Variants in LRMDA observed in about 807,000 individuals in gnomAD.
LRMDA encodes leucine rich melanocyte differentiation associated, also known as leucine-rich melanocyte differentiation-associated protein.
Under a neutral mutation model 29.8 loss-of-function variants are expected in LRMDA, and 18 were observed. The ratio of observed to expected loss-of-function variants is 0.60; its 90% CI spans 0.42 to 0.90. The LOEUF (loss-of-function observed/expected upper bound fraction) is 0.90, where lower values mean the gene tolerates loss of function less well. Ranked by LOEUF, LRMDA falls within the 40% of genes least tolerant of loss-of-function variation. The probability of loss-of-function intolerance (pLI) is 0.00; values close to 1 mark genes in which losing one functional copy is unlikely to be tolerated. For synonymous variants in LRMDA, 125 were observed against 109.4 expected (o/e 1.14, Z -0.89); for missense variants, 273 against 273.9 (o/e 1.00, Z 0.02).
At chr10:76,386,381 A>T (rs1841659816) in intron 6 of LRMDA, among the ~76,000 whole-genome samples, 1 of 152,212 alleles carries the variant, frequency 6.6e-6, no homozygotes, top group Admixed American at 6.5e-5. Context: ...AATGCTGCTC[A>T]CCCATTTTCG....
intron 5 of LRMDA, among the ~76,000 whole-genome samples, chr10:76,305,926 C>T (rs1311225569): frequency 6.6e-6 from 1 of 152,146 alleles, no homozygotes; most frequent in Non-Finnish European, 1.5e-5. Context: ...GGGGTTATTT[C>T]TCAAATGACT....
intron 5 of LRMDA, among the ~76,000 whole-genome samples, chr10:76,206,457 T>C (rs868398078): frequency 1.3e-5 from 2 of 152,182 alleles, no homozygotes; most frequent in Non-Finnish European, 2.9e-5. Context: ...GCATGTCTGT[T>C]TTCCTTTCTG....
At chr10:75,695,858 A>C (rs747045720) in intron 2 of LRMDA, among the ~76,000 whole-genome samples, 10 of 152,044 alleles carry the variant, frequency 6.6e-5, no homozygotes, top group Non-Finnish European at 1.3e-4. Context: ...TCATCCACCC[A>C]CTATACCTCT....
At chr10:76,362,445 A>T (rs370931528) in intron 6 of LRMDA, among the ~76,000 whole-genome samples, 39 of 152,394 alleles carry the variant, frequency 2.6e-4, no homozygotes, top group East Asian at 1.7e-3. Context: ...GTAACATAGT[A>T]CTTAGCAAAG....
intron 5 of LRMDA, among the ~76,000 whole-genome samples, chr10:76,237,195 C>CA (rs764606961): frequency 5.3e-5 from 8 of 151,924 alleles, no homozygotes; most frequent in Non-Finnish European, 1.2e-4. Flanking sequence ...TAAAAAATAG[C>CA]AAAAACAGAA....
chr10:75,722,871 A>T (rs940339090), intron 2 of LRMDA, among the ~76,000 whole-genome samples: 6 of 152,068 alleles, frequency 3.9e-5, no homozygotes, highest in African/African-American at 1.4e-4. Context: ...AGGAGTTTCT[A>T]CTCATATTTC....
intron 5 of LRMDA, among the ~76,000 whole-genome samples, chr10:76,059,784 G>C (rs965300389): frequency 6.6e-6 from 1 of 152,224 alleles, no homozygotes; most frequent in African/African-American, 2.4e-5. Flanking sequence ...GCTGGCAGCA[G>C]ACCTCAGGCC....
intron 2 of LRMDA, among the ~76,000 whole-genome samples, chr10:75,659,590 T>A (rs1037582115): frequency 2.0e-5 from 3 of 151,844 alleles, no homozygotes; most frequent in African/African-American, 7.3e-5. Flanking sequence ...TCTAAAAGAG[T>A]CAAACTCCCA....
intron 5 of LRMDA, among the ~76,000 whole-genome samples, chr10:76,219,398 C>G (rs993763200): frequency 2.6e-5 from 4 of 151,536 alleles, no homozygotes; most frequent in African/African-American, 9.7e-5. Flanking sequence ...CACATAGGCT[C>G]AAAATAAAAG....
At chr10:75,636,339 T>A (rs1322801312) in intron 2 of LRMDA, among the ~76,000 whole-genome samples, 1 of 152,218 alleles carries the variant, frequency 6.6e-6, no homozygotes, top group East Asian at 1.9e-4. Flanking sequence ...CTTTCATTTT[T>A]AAAATCATGT....
intron 2 of LRMDA, among the ~76,000 whole-genome samples, chr10:75,850,635 A>C (rs1430057050): frequency 6.6e-6 from 1 of 152,146 alleles, no homozygotes; most frequent in Non-Finnish European, 1.5e-5. Context: ...TAACATATTA[A>C]AAAATATTGG....
chr10:75,634,314 C>CT (rs1162872573), intron 2 of LRMDA, among the ~76,000 whole-genome samples: 1 of 152,172 alleles, frequency 6.6e-6, no homozygotes, highest in Non-Finnish European at 1.5e-5. Flanking sequence ...TGTGATGAAT[C>CT]TGACCATTAA....
At chr10:76,334,092 A>G (rs1840938199) in intron 6 of LRMDA, among the ~76,000 whole-genome samples, 1 of 152,222 alleles carries the variant, frequency 6.6e-6, no homozygotes, top group Non-Finnish European at 1.5e-5. Context: ...GCAGCCACAA[A>G]CATTTGTTCT....
chr10:76,000,055 C>CCCAG (rs1847534439), intron 2 of LRMDA, among the ~76,000 whole-genome samples: 1 of 152,044 alleles, frequency 6.6e-6, no homozygotes, highest in Non-Finnish European at 1.5e-5. Context: ...CTGACATTCT[C>CCCAG]CTTGTTGTGG....
At chr10:76,173,747 G>A (rs970152629) in intron 5 of LRMDA, among the ~76,000 whole-genome samples, 4 of 152,002 alleles carry the variant, frequency 2.6e-5, no homozygotes, top group African/African-American at 7.2e-5. Context: ...TACAACCTCC[G>A]CCTCCTGGGT....
intron 6 of LRMDA, chr10:76,535,824 C>G (rs1356170891): frequency 1.3e-5 from 2 of 152,168 alleles, no homozygotes; most frequent in African/African-American, 2.4e-5. Context: ...GTCGCCCAGG[C>G]TGGAGTGCAG....
At chr10:75,446,963 C>A (rs571289461) in intron 2 of LRMDA, among the ~76,000 whole-genome samples, 4 of 152,310 alleles carry the variant, frequency 2.6e-5, no homozygotes, top group South Asian at 2.1e-4. Context: ...TTTCCAACCT[C>A]AAATGTAGTG....
intron 2 of LRMDA, among the ~76,000 whole-genome samples, chr10:75,515,295 A>G (rs1359153387): frequency 2.0e-5 from 3 of 152,202 alleles, no homozygotes; most frequent in Admixed American, 6.5e-5. Context: ...TTTTGGAACT[A>G]GATAGTGGTG....
intron 6 of LRMDA, among the ~76,000 whole-genome samples, chr10:76,419,291 T>A (rs1457808337): frequency 6.6e-6 from 1 of 152,118 alleles, no homozygotes; most frequent in Non-Finnish European, 1.5e-5. Flanking sequence ...TTTTATTGTC[T>A]CCATAGTTTT....
Sources: allele counts gnomAD v4.1 joint callset (sites outside exome capture counted in the v4.1 genomes callset), GRCh38; gene constraint gnomAD v4.1.1; transcripts MANE v1.5; gene names NCBI Gene and HGNC (gene_info 2026-07-23, HGNC 2026-07-21).